Variants in KANK1 observed in about 807,000 individuals in gnomAD.
KANK1 encodes the protein KN motif and ankyrin repeat domains 1.
A neutral mutation model predicts 106.2 loss-of-function variants in KANK1; 109 were observed. The observed-to-expected ratio is 1.03, with a 90% CI of 0.88 to 1.20. The LOEUF (loss-of-function observed/expected upper bound fraction) is 1.20, where lower values mean the gene tolerates loss of function less well. Among genes scored for constraint, KANK1 ranks in the 50% most tolerant of loss-of-function variants. KANK1 has a pLI of 0.00. For missense variants in KANK1, 2,399 were observed against 1,710.7 expected (o/e 1.40, Z -7.10); for synonymous variants, 873 against 652.2 (o/e 1.34, Z -5.16).
chr9:660,109 G>T, intron 1 of KANK1: 1 of 437,386 alleles, frequency 2.3e-6, no homozygotes, highest in South Asian at 1.9e-5. Context: ...GAAATGGCAG[G>T]AAGACCCTTA....
intron 1 of KANK1, among the ~76,000 whole-genome samples, chr9:536,517 G>C (rs2060308260): frequency 6.6e-6 from 1 of 152,126 alleles, no homozygotes; most frequent in Non-Finnish European, 1.5e-5. Flanking sequence ...TGTATTCCTT[G>C]GCTTGTGACC....
rs116172291 is a variant in KANK1, at chr9:633,516, A to C, written c.-83-43374A>C. Among the ~76,000 whole-genome samples, 752 of 152,250 alleles carry C rather than the reference A, an allele frequency of 4.9e-3. 7 individuals are homozygous for C. The highest frequency in any genetic ancestry group is 0.018 in the African/African-American group (732 of 41,538). Reference sequence around the variant, plus strand: ...TTGTCTTGCCATTCAAGTTACTTCCAACAGTGCTACCCCTTCTCCCAAGAC... The same window carrying C: ...TTGTCTTGCCATTCAAGTTACTTCCCACAGTGCTACCCCTTCTCCCAAGAC... On this transcript the variant is annotated intron_variant, in intron 1 of 11. Coordinates refer to ENST00000382297, the MANE Select transcript of KANK1 (RefSeq NM_015158.5).
intron 1 of KANK1, among the ~76,000 whole-genome samples, chr9:669,579 G>A (rs1845444718): frequency 6.6e-6 from 1 of 152,096 alleles, no homozygotes; most frequent in Admixed American, 6.6e-5. Context: ...GGTTTCCATT[G>A]AGAAGTGTGT....
intron 1 of KANK1, among the ~76,000 whole-genome samples, chr9:515,673 T>C (rs548306681): frequency 1.1e-4 from 16 of 151,948 alleles, no homozygotes; most frequent in Admixed American, 1.3e-4. Context: ...ATTTGAATCA[T>C]GTTCTATAGT....
chr9:682,015 T>C (rs939045000), intron 2 of KANK1, among the ~76,000 whole-genome samples: 2 of 152,110 alleles, frequency 1.3e-5, no homozygotes, highest in African/African-American at 2.4e-5. Context: ...CACGGTGGCT[T>C]ACGCCTGTAA....
At chr9:721,386 T>C (rs142947478) in intron 3 of KANK1, among the ~76,000 whole-genome samples, 10 of 152,276 alleles carry the variant, frequency 6.6e-5, no homozygotes, top group African/African-American at 2.4e-4. Flanking sequence ...TGAGATTCCT[T>C]ATGAAAAATG....
chr9:629,654 C>T (rs1191693683), intron 1 of KANK1, among the ~76,000 whole-genome samples: 2 of 152,232 alleles, frequency 1.3e-5, no homozygotes, highest in Admixed American at 6.5e-5. Flanking sequence ...ATTCTCCCTT[C>T]TCCCAGAGGA....
upstream of KANK1, among the ~76,000 whole-genome samples, chr9:500,171 A>C (rs1238454031): frequency 1.3e-5 from 2 of 152,194 alleles, no homozygotes; most frequent in African/African-American, 4.8e-5. Flanking sequence ...GCATATTTTT[A>C]ACTCCTTCAA....
intron 6 of KANK1, chr9:732,838 A>C (rs1832690863): frequency 2.4e-6 from 1 of 422,604 alleles, no homozygotes; most frequent in Non-Finnish European, 4.2e-6. Context: ...TGTTTTCTGA[A>C]ACCTTAACTC....
At chr9:520,596 CTA>C (rs2133200415) in intron 1 of KANK1, among the ~76,000 whole-genome samples, 1 of 151,856 alleles carries the variant, frequency 6.6e-6, no homozygotes, top group East Asian at 1.9e-4. Context: ...TAATGGAAGA[CTA>C]TATTTAACTC....
At chr9:735,867 C>G (rs1239043786) in intron 7 of KANK1, 2 of 268,118 alleles carry the variant, frequency 7.5e-6, no homozygotes, top group Non-Finnish European at 8.2e-6. Flanking sequence ...TGGTGGTACA[C>G]CCGTGTAATC....
intron 7 of KANK1, chr9:735,670 C>A: frequency 2.8e-6 from 1 of 352,922 alleles, no homozygotes; most frequent in Non-Finnish European, 6.2e-6. Context: ...TAAATTCTGC[C>A]ATATATTTTA....
Position 744,634 on chromosome 9 carries a change from C to G in KANK1, c.3996+45C>G, listed in dbSNP as rs796579882. On this transcript the variant is annotated intron_variant, in intron 11 of 11. Transcript: ENST00000382297. The stretch of plus-strand genomic sequence containing the variant: ...CATTTGTAAATAGGCTGAAATCCAC[C>G]AGACTGGTGGACCCCCTTCCTCCAG... The G allele has an allele frequency of 5.0e-6, 8 of 1,613,918 alleles. 1 individual carries two copies. The African/African-American group carries it at 1.1e-4, about 22-fold the overall frequency.
chr9:694,670 C>T (rs969515992), intron 2 of KANK1, among the ~76,000 whole-genome samples: 1 of 152,200 alleles, frequency 6.6e-6, no homozygotes, highest in African/African-American at 2.4e-5. Flanking sequence ...TTTATTAAGA[C>T]AGGCCGTTCC....
chr9:508,461 A>G (rs2058876196), intron 1 of KANK1, among the ~76,000 whole-genome samples: 2 of 152,216 alleles, frequency 1.3e-5, no homozygotes, highest in African/African-American at 2.4e-5. Context: ...TTAAGAGTAC[A>G]TCTTCACAAA....
chr9:601,225 A>G (rs1827666357), intron 1 of KANK1, among the ~76,000 whole-genome samples: 1 of 151,894 alleles, frequency 6.6e-6, no homozygotes, highest in African/African-American at 2.4e-5. Context: ...AACCATATTG[A>G]ACTATCGTTA....
chr9:557,945 C>T (rs929621196), intron 1 of KANK1, among the ~76,000 whole-genome samples: 2 of 152,134 alleles, frequency 1.3e-5, no homozygotes, highest in African/African-American at 4.8e-5. Flanking sequence ...GTTGAGGCTA[C>T]AGTGAGCTAT....
At chr9:730,523 C>T in intron 4 of KANK1, 1 of 397,894 alleles carries the variant, frequency 2.5e-6, no homozygotes, top group Non-Finnish European at 4.8e-6. Flanking sequence ...GAAACCCCAT[C>T]TCTACTAAAA....
At chr9:664,600 A>C (rs1360070411) in intron 1 of KANK1, among the ~76,000 whole-genome samples, 1 of 152,302 alleles carries the variant, frequency 6.6e-6, no homozygotes, top group African/African-American at 2.4e-5. Flanking sequence ...GGTTGATTCC[A>C]TATTTTGTCT....
Sources: gnomAD v4.1 joint callset for allele counts (sites outside exome capture counted in the v4.1 genomes callset) on GRCh38, gnomAD v4.1.1 for gene constraint, MANE v1.5 for transcripts, NCBI Gene and HGNC (gene_info 2026-07-23, HGNC 2026-07-21) for gene names.